The following PEX5 variants were observed in gnomAD, a reference collection of about 807,000 sequenced individuals.
PEX5 encodes the protein peroxisomal biogenesis factor 5, also known as PTS1 receptor.
Under a neutral mutation model 82.9 loss-of-function variants are expected in PEX5, and 52 were observed. That is an observed-to-expected ratio of 0.63 (90% CI 0.50 to 0.79). The LOEUF (loss-of-function observed/expected upper bound fraction) is 0.79, where lower values mean the gene tolerates loss of function less well. Among genes scored for constraint, PEX5 ranks in the 30% least tolerant of loss-of-function variants. The pLI, the probability that PEX5 is intolerant of heterozygous loss-of-function variation, is 0.00. For synonymous variants in PEX5, 300 were observed against 318.8 expected (o/e 0.94, Z 0.63); for missense variants, 719 against 815.2 (o/e 0.88, Z 1.44).
At chr12:7,213,016 C>A (rs1264954821), downstream of PEX5, 1 of 152,074 alleles carries the variant, frequency 6.6e-6, no homozygotes, top group Non-Finnish European at 1.5e-5. Context: ...ATCCAACTTA[C>A]AAGGGATGTG....
rs1188911054 is a variant in PEX5, at chr12:7,191,643, G to A, written c.391G>A (p.Val131Ile). 3 of 1,613,610 alleles carry A rather than the reference G, an allele frequency of 1.9e-6. No individual in the cohort carries two copies. Residue 131 changes from valine (V) to isoleucine (I), a missense_variant, in exon 5 of 16, where the codon GTA becomes ATA. By Grantham distance (29) the Val-to-Ile change is conservative (BLOSUM62 3). Transcript: ENST00000675855. ...EFLAAGDAVD[V>I]TQDYNETDWS... is the part of the protein sequence containing the mutation. ...TCTTGCAGCTGGAGATGCTGTGGAT[G>A]TAACTCAGGATTATAATGAGACTGA...
chr12:7,201,757 T>C lies in PEX5; in HGVS notation c.558T>C (p.Asp186=), dbSNP rs995809384. ...PEGTATDRWY[D]EYHPEEDLQH... ...TAGTTCTTACCCGTTCCAGGTATGA[T>C]GAATATCATCCTGAGGAGGATCTGC... The change falls in exon 7 of 16, where the codon GAT becomes GAC. Residue 186 remains aspartate, a synonymous_variant. Transcript: ENST00000675855. 1 of 1,612,574 alleles carries C rather than the reference T, an allele frequency of 6.2e-7. No individual in the cohort carries two copies. Among genetic ancestry groups the C allele is most frequent in the Non-Finnish European group, 8.5e-7 (1 of 1,178,666 alleles).
chr12:7,211,954 AATT>A (rs371053223), downstream of PEX5, among the ~76,000 whole-genome samples: 25 of 148,138 alleles, frequency 1.7e-4, no homozygotes, highest in Admixed American at 6.0e-4. Flanking sequence ...TTGGAAAAAA[AATT>A]TTTTTTTTTT....
intron 5 of PEX5, among the ~76,000 whole-genome samples, chr12:7,197,825 T>G (rs986241294): frequency 4.6e-5 from 7 of 152,150 alleles, no homozygotes; most frequent in African/African-American, 1.4e-4. Context: ...AATGTCCCTC[T>G]TTAATGCAAA....
rs7968543 is a variant in PEX5 at position 7,192,964 on chromosome 12, A to G, written c.448+1264A>G. ...CTAAAAACTAAAACTCACCTTTAAT[A>G]AGATCTGTGGGTCTCTTTTATCACG... On this transcript the variant is annotated intron_variant, in intron 5 of 15. Coordinates refer to ENST00000675855, the MANE Select transcript of PEX5 (RefSeq NM_001351132.2). 6.5e-3 allele frequency among the ~76,000 whole-genome samples: 989 copies of G among 152,362 alleles called. 18 individuals are homozygous for G. The highest frequency in any genetic ancestry group is 0.023 in the African/African-American group (937 of 41,578).
At chr12:7,201,404 G>C (rs1478145785) in intron 6 of PEX5, among the ~76,000 whole-genome samples, 2 of 151,920 alleles carry the variant, frequency 1.3e-5, no homozygotes, top group African/African-American at 4.8e-5. Flanking sequence ...TATGTATATA[G>C]GTAAATATAT....
intron 5 of PEX5, among the ~76,000 whole-genome samples, chr12:7,197,456 G>GTAATAATTATATGTTATATATAATA (rs1942917816): frequency 8.7e-6 from 1 of 114,734 alleles, no homozygotes; most frequent in East Asian, 2.3e-4. Context: ...TATATATAAT[G>GTAATAATTATATGTTATATATAATA]TAATAATTAT....
At chr12:7,203,919 C>T (rs1325769692) in intron 10 of PEX5, among the ~76,000 whole-genome samples, 1 of 152,182 alleles carries the variant, frequency 6.6e-6, no homozygotes, top group Non-Finnish European at 1.5e-5. Context: ...GACAGACTAT[C>T]CCTTTGCCTC....
intron 5 of PEX5, among the ~76,000 whole-genome samples, chr12:7,196,196 TATATG>T (rs915923406): frequency 4.3e-5 from 6 of 140,500 alleles, no homozygotes; most frequent in African/African-American, 1.5e-4. Flanking sequence ...TATAATGTAA[TATATG>T]TTATGTAATA....
intron 10 of PEX5, among the ~76,000 whole-genome samples, chr12:7,204,036 T>A (rs1944468656): frequency 1.3e-5 from 2 of 152,242 alleles, no homozygotes; most frequent in Admixed American, 6.5e-5. Context: ...AAAGAATTTA[T>A]ATTAGATAAC....
At chr12:7,215,586 C>T (rs12228393), downstream of PEX5, among the ~76,000 whole-genome samples, 63,125 of 152,052 alleles carry the variant, frequency 0.42, 14,926 homozygotes, top group Admixed American at 0.6. Flanking sequence ...TCACGACCTT[C>T]GCAGCAGCAT....
chr12:7,202,490 A>G (rs1206819871), intron 8 of PEX5, 122 bp from the exon 9 acceptor site: 6 of 1,393,086 alleles, frequency 4.3e-6, no homozygotes, highest in Non-Finnish European at 6.1e-6. Context: ...TGGGTGGGAA[A>G]GAGATTCTGA....
downstream of PEX5, among the ~76,000 whole-genome samples, chr12:7,215,805 G>T (rs1050760529): frequency 2.6e-5 from 4 of 152,024 alleles, no homozygotes; most frequent in Non-Finnish European, 5.9e-5. Flanking sequence ...TGGGTGACGG[G>T]ATCATTTGTA....
intron 6 of PEX5, among the ~76,000 whole-genome samples, chr12:7,200,918 G>A (rs7962563): frequency 0.44 from 66,278 of 151,730 alleles, 15,768 homozygotes; most frequent in Admixed American, 0.61. Flanking sequence ...AGAGGGAGAG[G>A]GAGAGGGAGA....
At chr12:7,208,222 G>A (rs1945063415) in intron 12 of PEX5, 142 bp downstream of exon 12, 9 of 786,626 alleles carry the variant, frequency 1.1e-5, no homozygotes, top group Non-Finnish European at 1.8e-5. Context: ...TCTGAGGGTT[G>A]GAGTGAATTC....
chr12:7,194,395 T>C (rs760366903), intron 5 of PEX5, among the ~76,000 whole-genome samples: 3 of 152,354 alleles, frequency 2.0e-5, no homozygotes, highest in East Asian at 1.9e-4. Context: ...ATAGCAGTTA[T>C]GCAGAGATCA....
intron 6 of PEX5, among the ~76,000 whole-genome samples, chr12:7,201,451 G>A (rs1435987195): frequency 6.6e-6 from 1 of 151,918 alleles, no homozygotes; most frequent in Non-Finnish European, 1.5e-5. Context: ...CCTATATGAC[G>A]TTCATAACTT....
At chr12:7,202,159 TAC>T in intron 7 of PEX5, 80 bp from the exon 8 acceptor site, 2 of 1,608,938 alleles carry the variant, frequency 1.2e-6, no homozygotes, top group South Asian at 2.2e-5. Context: ...GAGGGGTGAG[TAC>T]AGGGTCCTCT....
In PEX5 at chr12:7,210,138, C is replaced by CT; in HGVS notation, c.1836dup (p.Met613TyrfsTer36). The stretch of plus-strand genomic sequence containing the variant: ...TGGAGCACCCTGCGTTTGGCATTGT[C>CT]TATGTTAGGCCAGAGCGATGCCTAT... On this transcript the variant is annotated frameshift_variant, in exon 16 of 16. Transcript: ENST00000675855. LOFTEE classifies it high-confidence loss of function. The CT allele has an allele frequency of 6.2e-7, 1 of 1,614,212 alleles. No individual in the cohort carries two copies. Among genetic ancestry groups the CT allele is most frequent in the Non-Finnish European group, 8.5e-7 (1 of 1,180,016 alleles).
Sources: gnomAD v4.1 joint callset for allele counts (sites outside exome capture counted in the v4.1 genomes callset) on GRCh38, gnomAD v4.1.1 for gene constraint, MANE v1.5 for transcripts, NCBI Gene and HGNC (gene_info 2026-07-23, HGNC 2026-07-21) for gene names.